Variants in REXO1 observed in about 807,000 individuals in gnomAD.
The protein encoded by REXO1 is REX1, RNA exonuclease 1 homolog.
Under a neutral mutation model 102.6 loss-of-function variants are expected in REXO1, and 42 were observed. The ratio of observed to expected loss-of-function variants is 0.41; its 90% CI spans 0.32 to 0.53. The LOEUF (loss-of-function observed/expected upper bound fraction) is 0.53. REXO1 is among the 20% of genes least tolerant of loss of function. The pLI, the probability that REXO1 is intolerant of heterozygous loss-of-function variation, is 0.27. For missense variants in REXO1, 1,819 were observed against 1,732.5 expected, an observed-to-expected ratio of 1.05 and a Z score of -0.89; for synonymous variants, 908 against 779.1, an observed-to-expected ratio of 1.17 and a Z score of -2.76.
intron 1 of REXO1, among the ~76,000 whole-genome samples, chr19:1,833,610 C>A (rs1427409824): frequency 6.6e-6 from 1 of 152,192 alleles, no homozygotes; most frequent in Admixed American, 6.5e-5. Context: ...TGTCAGCCCC[C>A]ACCCAGGGGG....
In REXO1 at chr19:1,827,653, T is replaced by G. The variant is rs550017463; in HGVS notation, c.1136A>C (p.Lys379Thr). The G allele has an allele frequency of 1.3e-6, 2 of 1,569,188 alleles. No homozygotes were observed. The highest frequency in any genetic ancestry group is 1.7e-6 in the Non-Finnish European group (2 of 1,171,704). The change falls in exon 2 of 16, where the codon AAA (lysine) becomes ACA (threonine). Residue 379 changes from lysine to threonine, a missense_variant. Transcript: ENST00000170168. ...GGGGGCAGGTGGGGCCCCGGTTTTT[T>G]TCTTCTTGGGTTTTCCCTCCTTGGG... The part of the protein sequence containing the change: ...GCPKEGKPKK[K>T]KTGAPPAPSC...
chr19:1,820,765 G>A (rs1402829243), intron 5 of REXO1, among the ~76,000 whole-genome samples: 1 of 152,000 alleles, frequency 6.6e-6, no homozygotes, highest in African/African-American at 2.4e-5. Context: ...GGCTGAGGCA[G>A]GAGGATCACT....
chr19:1,828,583 T>G lies in REXO1; in HGVS notation c.206A>C (p.Gln69Pro), dbSNP rs751012207. The change falls in exon 2 of 16, where the codon CAG becomes CCG. Residue 69 changes from glutamine to proline, a missense_variant. Coordinates refer to ENST00000170168, the MANE Select transcript of REXO1 (RefSeq NM_020695.4). Reference sequence around the variant, plus strand: ...CAGGCCCAGGGTGCCATTCTCCCTCTGCGCGGGGGGCTTGGGCAGCTCAGG... The same window carrying G: ...CAGGCCCAGGGTGCCATTCTCCCTCGGCGCGGGGGGCTTGGGCAGCTCAGG... ...YNPELPKPPA[Q>P]RENGTLGLGE... is the part of the protein sequence containing the mutation. The G allele has an allele frequency of 6.2e-6, 10 of 1,603,536 alleles. No homozygotes were observed.
chr19:1,831,561 G>A (rs527600270), intron 1 of REXO1, among the ~76,000 whole-genome samples: 2 of 152,002 alleles, frequency 1.3e-5, no homozygotes, highest in Admixed American at 6.6e-5. Flanking sequence ...GGCTGGTTTC[G>A]GCCGGTTGTG....
intron 1 of REXO1, among the ~76,000 whole-genome samples, chr19:1,832,576 T>A (rs2145301864): frequency 6.6e-6 from 1 of 152,158 alleles, no homozygotes; most frequent in Non-Finnish European, 1.5e-5. Flanking sequence ...TAAAATTACA[T>A]TTAGGGACCA....
chr19:1,828,791 C>G (rs1249949589), intron 1 of REXO1, among the ~76,000 whole-genome samples, 160 bp from the exon 2 acceptor site: 1 of 152,276 alleles, frequency 6.6e-6, no homozygotes, highest in Non-Finnish European at 1.5e-5. Flanking sequence ...CAGCTGGGTA[C>G]AGGCCATGGC....
In REXO1 at chr19:1,848,316, AG is replaced by A; in HGVS notation, c.42del (p.Tyr15IlefsTer145). The A allele has an allele frequency of 8.1e-7, 1 of 1,227,266 alleles. No homozygotes were observed. Among genetic ancestry groups the A allele is most frequent in the Non-Finnish European group, 1.0e-6 (1 of 978,040 alleles). The allele number at this position is 1,227,266 out of a possible 1,614,324, so 76.0% of individuals were successfully genotyped here. A position where few individuals can be genotyped will look rare whatever the true frequency, so the allele number is the denominator to read the frequency against. On this transcript the variant is annotated frameshift_variant, in exon 1 of 16. Transcript: ENST00000170168. LOFTEE classifies it high-confidence loss of function. ...STGFFRAIDC[P>X]YWSGAPGGPC... The stretch of plus-strand genomic sequence containing the variant: ...GGCCCCCCGGGCGCCCCAGACCAAT[AG>A]GGGCAGTCAATGGCCCGGAAGAAGC...
rs3052937 is a variant in REXO1, at chr19:1,827,021, T to TGGAGGAGGAGGAGGA, written c.1753_1767dup (p.Ser585_Ser589dup). 85 of 1,384,158 alleles carry TGGAGGAGGAGGAGGA rather than the reference T, an allele frequency of 6.1e-5. No homozygotes were observed. The Middle Eastern group carries it at 1.0e-3, about 17-fold the overall frequency. 85.7% of individuals were successfully genotyped at this position (1,384,158 alleles called of 1,614,324 possible). A position where few individuals can be genotyped will look rare whatever the true frequency, so the allele number is the denominator to read the frequency against. On this transcript the variant is annotated inframe_insertion, in exon 2 of 16. Coordinates refer to ENST00000170168, the MANE Select transcript of REXO1 (RefSeq NM_020695.4). The stretch of plus-strand genomic sequence containing the variant: ...TCCACATCCGCCCCCGCGCTGGAGG[T>TGGAGGAGGAGGAGGA]GGAGGAGGAGGAGGAGGAGGAGGAG...
intron 1 of REXO1, among the ~76,000 whole-genome samples, chr19:1,830,500 C>T (rs1224840156): frequency 6.6e-6 from 1 of 152,164 alleles, no homozygotes; most frequent in Non-Finnish European, 1.5e-5. Context: ...CAAAACAAGA[C>T]CCCAGCTCTT....
chr19:1,818,280 TCTTA>T (rs1009427847), intron 10 of REXO1, among the ~76,000 whole-genome samples, 198 bp downstream of exon 10: 9 of 152,212 alleles, frequency 5.9e-5, no homozygotes, highest in African/African-American at 2.2e-4. Flanking sequence ...AAAGCTCTTG[TCTTA>T]CTTTTGCATA....
intron 1 of REXO1, among the ~76,000 whole-genome samples, chr19:1,842,213 CAAA>C (rs566792887): frequency 3.9e-5 from 3 of 76,546 alleles, no homozygotes; most frequent in Non-Finnish European, 5.8e-5. Context: ...GATTCCGTTG[CAAA>C]AAAAAAAAAA....
Position 1,815,910 on chromosome 19 carries a change from G to C in REXO1, c.*156C>G. ...GGCAGGACGTGAGCGGGGGTGGGCT[G>C]GGCTGGGCGTTCTCTGGCCGCCAGC... On this transcript the variant is annotated 3_prime_UTR_variant, in exon 16 of 16. Transcript: ENST00000170168. The surrounding 1 kb of genome is among the most constrained non-coding windows in gnomAD (Gnocchi z 4.0). 1 of 1,533,832 alleles carries C rather than the reference G, an allele frequency of 6.5e-7. No individual in the cohort carries two copies. Among genetic ancestry groups the C allele is most frequent in the Non-Finnish European group, 8.7e-7 (1 of 1,146,080 alleles).
intron 3 of REXO1, among the ~76,000 whole-genome samples, chr19:1,825,446 G>A (rs2069686020): frequency 1.3e-5 from 2 of 151,338 alleles, no homozygotes; most frequent in Non-Finnish European, 2.9e-5. Flanking sequence ...TGGAAGACCA[G>A]CCTGGGTGAC....
intron 1 of REXO1, among the ~76,000 whole-genome samples, chr19:1,833,329 G>A (rs1198305714): frequency 1.3e-5 from 2 of 152,200 alleles, no homozygotes; most frequent in African/African-American, 2.4e-5. Context: ...CACGAGGTAC[G>A]GGCAGGCAGG....
chr19:1,825,323 C>CAAA (rs370259604), intron 3 of REXO1, among the ~76,000 whole-genome samples: 5,963 of 101,202 alleles, frequency 0.059, 218 homozygotes, highest in African/African-American at 0.11. Context: ...AAAAAAAAAA[C>CAAA]AACCAAAAAA....
chr19:1,817,595 G>C, intron 11 of REXO1, 112 bp downstream of exon 11: 1 of 1,442,864 alleles, frequency 6.9e-7, no homozygotes, highest in Non-Finnish European at 9.4e-7. Flanking sequence ...GGCTGCCCGG[G>C]GGCCCAGACC....
At position 1,815,881 on chromosome 19, in the gene REXO1, G is replaced by A. The variant is rs576157335; in HGVS notation, c.*185C>T. The A allele has an allele frequency of 2.3e-3, 3,507 of 1,526,826 alleles. 87 individuals are homozygous for A. The South Asian group carries it at 0.039, about 17-fold the overall frequency. The allele number at this position is 1,526,826 out of a possible 1,614,324, so 94.6% of individuals were successfully genotyped here. On this transcript the variant is annotated 3_prime_UTR_variant, in exon 16 of 16. Transcript: ENST00000170168. The surrounding 1 kb of genome is among the most constrained non-coding windows in gnomAD (Gnocchi z 4.0). ...GCAGAGGGTGGGGACCGGCGGAGGG[G>A]TGCGGCAGGACGTGAGCGGGGGTGG...
In REXO1 at chr19:1,821,538, G is replaced by A. The variant is rs773117971; in HGVS notation, c.2375C>T (p.Ala792Val). Reference sequence around the variant, plus strand: ...GGCTACCTGTAAGGATGGACTGTGGGCGATTCGCTTAGGGATGATGGTGGT... The same window carrying A: ...GGCTACCTGTAAGGATGGACTGTGGACGATTCGCTTAGGGATGATGGTGGT... ...TTTTIIPKRI[A>V]HSPSLQSLKK... is the part of the protein sequence containing the mutation. Residue 792 changes from alanine (A) to valine (V), a missense_variant, in exon 5 of 16, where the codon GCC (alanine) becomes GTC (valine). Physicochemically the swap from Ala to Val is moderately conservative, Grantham distance 64 (BLOSUM62 0). Transcript: ENST00000170168. 2.1e-5 allele frequency: 34 copies of A among 1,613,696 alleles called. No homozygotes were observed. Among genetic ancestry groups the A allele is most frequent in the Non-Finnish European group, 2.9e-5 (34 of 1,179,854 alleles).
chr19:1,820,173 A>C, intron 6 of REXO1, 91 bp downstream of exon 6: 1 of 1,560,148 alleles, frequency 6.4e-7, no homozygotes, highest in Middle Eastern at 1.7e-4. Context: ...TCCGGGTCAC[A>C]GCTGCGGCTG....
Sources: gnomAD v4.1 joint callset for allele counts (sites outside exome capture counted in the v4.1 genomes callset) on GRCh38, gnomAD v4.1.1 for gene constraint, Gnocchi (gnomAD v3.1) non-coding constraint, MANE v1.5 for transcripts, NCBI Gene and HGNC (gene_info 2026-07-23, HGNC 2026-07-21) for gene names.